VWA3B: variants seen among roughly 807,000 people sequenced by gnomAD.
VWA3B encodes von Willebrand factor A domain-containing protein 3B.
A neutral mutation model predicts 158.3 loss-of-function variants in VWA3B; 138 were observed. That is an observed-to-expected ratio of 0.87 (90% CI 0.76 to 1.00). The LOEUF (loss-of-function observed/expected upper bound fraction) is 1.00. Among genes scored for constraint, VWA3B ranks in the 50% least tolerant of loss-of-function variants. The pLI is 0.00. For synonymous variants in VWA3B, 596 were observed against 587.3 expected (o/e 1.01, Z -0.21); for missense variants, 1,555 against 1,565.1 (o/e 0.99, Z 0.11).
intron 8 of VWA3B, among the ~76,000 whole-genome samples, chr2:98,172,303 T>C (rs1483843723): frequency 1.3e-5 from 2 of 152,156 alleles, no homozygotes; most frequent in African/African-American, 4.8e-5. Flanking sequence ...CAGCCTGGGC[T>C]CTCCTCTGAC....
intron 7 of VWA3B, among the ~76,000 whole-genome samples, chr2:98,149,489 A>C (rs996218508): frequency 6.6e-6 from 1 of 152,236 alleles, no homozygotes; most frequent in African/African-American, 2.4e-5. Context: ...CAAATGAAGT[A>C]GTGGCCTGCA....
chr2:98,147,773 C>G (rs1677283497), intron 7 of VWA3B, among the ~76,000 whole-genome samples: 2 of 151,900 alleles, frequency 1.3e-5, no homozygotes, highest in Non-Finnish European at 2.9e-5. Flanking sequence ...CATATGTATA[C>G]ATGTGCCATG....
At chr2:98,206,648 G>A in intron 12 of VWA3B, 1 of 364,514 alleles carries the variant, frequency 2.7e-6, no homozygotes, top group Admixed American at 3.4e-5. Flanking sequence ...TCCCATTTAT[G>A]TTGAGGCTCC....
At position 98,133,939 on chromosome 2, in the gene VWA3B, G is replaced by C. The variant is rs753233371; in HGVS notation, c.988G>C (p.Gly330Arg). 1 of 1,613,692 alleles carries C rather than the reference G, an allele frequency of 6.2e-7. No individual in the cohort carries two copies. The highest frequency in any genetic ancestry group is 1.1e-5 in the South Asian group (1 of 91,070). Residue 330 changes from glycine (G) to arginine (R), a missense_variant and splice_region_variant, in exon 7 of 28, where the codon GGA (glycine) becomes CGA (arginine). Physicochemically the swap from Gly to Arg is moderately radical, Grantham distance 125 (BLOSUM62 -2). Transcript: ENST00000477737. ...SRKLKGKLPP[G>R]AGVREDVFLV... ...GAAACTGAAAGGAAAACTCCCTCCA[G>C]GTACCTGGAATCCAAAAGAAGTGGT...
At chr2:98,210,186 T>C (rs186299464) in intron 12 of VWA3B, among the ~76,000 whole-genome samples, 48 of 152,310 alleles carry the variant, frequency 3.2e-4, no homozygotes, top group Middle Eastern at 3.4e-3. Flanking sequence ...TTTACAGTTA[T>C]GGAATTACTT....
chr2:98,246,540 G>A (rs1686406615), intron 19 of VWA3B, among the ~76,000 whole-genome samples: 1 of 151,882 alleles, frequency 6.6e-6, no homozygotes, highest in African/African-American at 2.4e-5. Flanking sequence ...ACCATGCCTG[G>A]CTCATTTTTT....
intron 16 of VWA3B, among the ~76,000 whole-genome samples, chr2:98,233,929 C>G (rs1453692517): frequency 1.3e-5 from 2 of 152,230 alleles, no homozygotes; most frequent in African/African-American, 4.8e-5. Context: ...TGACTTGGCA[C>G]AGGCTCATTG....
chr2:98,303,930 T>A, intron 26 of VWA3B, 128 bp downstream of exon 26: 1 of 840,772 alleles, frequency 1.2e-6, no homozygotes, highest in Non-Finnish European at 1.9e-6. Flanking sequence ...ATGTCCTACT[T>A]AAAATGTAGC....
chr2:98,166,799 T>TACACACACACACACACACACACACACAC (rs58860649), intron 8 of VWA3B, among the ~76,000 whole-genome samples: 30 of 145,826 alleles, frequency 2.1e-4, no homozygotes, highest in Non-Finnish European at 3.4e-4. Flanking sequence ...TTTAATCTAA[T>TACACACACACACACACACACACACACAC]ACACACACAC....
intron 21 of VWA3B, among the ~76,000 whole-genome samples, chr2:98,260,615 G>A (rs1353432868): frequency 6.6e-6 from 1 of 151,518 alleles, no homozygotes; most frequent in African/African-American, 2.4e-5. Flanking sequence ...TTCCATAGGG[G>A]GTGCTAGAAC....
chr2:98,255,255 C>T (rs1406449375), intron 20 of VWA3B, among the ~76,000 whole-genome samples: 1 of 125,782 alleles, frequency 8.0e-6, no homozygotes, highest in Non-Finnish European at 1.6e-5. Flanking sequence ...TGGTCTCGAA[C>T]TCCTGACCTC....
chr2:98,142,628 C>T (rs1676870135), intron 7 of VWA3B, among the ~76,000 whole-genome samples: 1 of 152,162 alleles, frequency 6.6e-6, no homozygotes, highest in Non-Finnish European at 1.5e-5. Context: ...AGAATATGAT[C>T]CATCCATGTG....
At chr2:98,254,098 A>G (rs910565449) in intron 20 of VWA3B, among the ~76,000 whole-genome samples, 2 of 152,298 alleles carry the variant, frequency 1.3e-5, no homozygotes, top group Admixed American at 6.5e-5. Context: ...ATGATTACTC[A>G]GTGTTTCTAA....
At chr2:98,308,386 A>G (rs959158515) in intron 26 of VWA3B, among the ~76,000 whole-genome samples, 5 of 152,166 alleles carry the variant, frequency 3.3e-5, no homozygotes, top group Admixed American at 2.0e-4. Context: ...GCTACATTCC[A>G]TGGCATCAGA....
intron 19 of VWA3B, among the ~76,000 whole-genome samples, chr2:98,242,692 GCTCCCTAAT>G (rs1450237781): frequency 2.0e-5 from 3 of 147,950 alleles, no homozygotes; most frequent in South Asian, 2.3e-4. Context: ...ACCATGGCAA[GCTCCCTAAT>G]CTAGTATGCA....
intron 2 of VWA3B, 105 bp downstream of exon 2, chr2:98,093,393 C>G: frequency 8.2e-7 from 1 of 1,212,224 alleles, no homozygotes; most frequent in African/African-American, 1.5e-5. Context: ...TCTGAGCTTG[C>G]TTTGATCTTA....
chr2:98,230,316 T>G (rs1685250169), intron 16 of VWA3B, 109 bp downstream of exon 16: 1 of 1,132,920 alleles, frequency 8.8e-7, no homozygotes, highest in South Asian at 3.1e-5. Flanking sequence ...AACTTGTGGG[T>G]TTTTTAAATT....
chr2:98,238,193 C>T (rs941708431), intron 19 of VWA3B, among the ~76,000 whole-genome samples: 3 of 152,144 alleles, frequency 2.0e-5, no homozygotes, highest in African/African-American at 7.2e-5. Context: ...TTTGGGATGA[C>T]CAGTGACTCT....
intron 12 of VWA3B, among the ~76,000 whole-genome samples, chr2:98,195,394 A>G (rs1681957099): frequency 6.6e-6 from 1 of 152,216 alleles, no homozygotes; most frequent in African/African-American, 2.4e-5. Context: ...GATCATTGAG[A>G]TGCACCAGGG....
Sources: gnomAD v4.1 joint callset for allele counts (sites outside exome capture counted in the v4.1 genomes callset) on GRCh38, gnomAD v4.1.1 for gene constraint, MANE v1.5 for transcripts, NCBI Gene and HGNC (gene_info 2026-07-23, HGNC 2026-07-21) for gene names.